Variants in CD3D observed in about 807,000 individuals in gnomAD.
CD3D encodes CD3 delta subunit of T-cell receptor complex.
A neutral mutation model predicts 22.0 loss-of-function variants in CD3D; 22 were observed. The ratio of observed to expected loss-of-function variants is 1.00; its 90% CI spans 0.71 to 1.43. The LOEUF is 1.43. CD3D is among the 40% of genes most tolerant of loss of function. The probability of loss-of-function intolerance (pLI) is 0.00; values close to 1 mark genes in which losing one functional copy is unlikely to be tolerated. For synonymous variants in CD3D, 74 were observed against 81.2 expected (o/e 0.91, Z 0.48); for missense variants, 205 against 211.7 (o/e 0.97, Z 0.20).
chr11:118,342,682 A>C lies in CD3D; in HGVS notation c.-75T>G. On this transcript the variant is annotated 5_prime_UTR_variant, in exon 1 of 5. Transcript: ENST00000300692. ...GCCTGGGTGAGAGCTGCCCTCCCCT[A>C]GCTGACTCACAGGTACCGGAAAGAG... 1 of 1,263,038 alleles carries C rather than the reference A, an allele frequency of 7.9e-7. No individual in the cohort carries two copies. The highest frequency in any genetic ancestry group is 1.2e-6 in the Non-Finnish European group (1 of 862,350). The allele number at this position is 1,263,038 out of a possible 1,614,324, so 78.2% of individuals were successfully genotyped here.
chr11:118,339,749 C>A (rs1296215048), intron 3 of CD3D, 26 bp downstream of exon 3: 1 of 1,609,522 alleles, frequency 6.2e-7, no homozygotes, highest in Non-Finnish European at 8.5e-7. Flanking sequence ...CACAAACACA[C>A]TCTCATGCTC....
At position 118,340,789 on chromosome 11, in the gene CD3D, G is replaced by A. The variant is rs868441464; in HGVS notation, c.56-196C>T. ...CAACTGCAGGGGTCAAGGGGGACATGAGGATGCCATTCAAGCAGAGGACAG... is the reference window on the plus strand; with the variant it reads ...CAACTGCAGGGGTCAAGGGGGACATAAGGATGCCATTCAAGCAGAGGACAG... On this transcript the variant is annotated intron_variant, in intron 1 of 4. Transcript: ENST00000300692. 8 of 685,502 alleles carry A rather than the reference G, an allele frequency of 1.2e-5. No individual in the cohort carries two copies. In the Middle Eastern group the frequency reaches 1.4e-3, roughly 122 times the overall value. The allele number at this position is 685,502 out of a possible 1,614,324, so 42.5% of individuals were successfully genotyped here. A position where few individuals can be genotyped will look rare whatever the true frequency, so the allele number is the denominator to read the frequency against.
At chr11:118,339,602 T>C (rs1948280958) in intron 3 of CD3D, 108 bp from the exon 4 acceptor site, 2 of 1,568,828 alleles carry the variant, frequency 1.3e-6, no homozygotes, top group African/African-American at 2.7e-5. Flanking sequence ...ACAAGTTCTT[T>C]CAACAGTCAA....
intron 1 of CD3D, chr11:118,340,952 G>A: frequency 5.8e-6 from 3 of 513,724 alleles, no homozygotes; most frequent in Non-Finnish European, 1.1e-5. Flanking sequence ...TGGAAAGACA[G>A]AAGAACATTC....
At position 118,339,513 on chromosome 11, in the gene CD3D, G is replaced by C. The variant is rs1187285817; in HGVS notation, c.407-19C>G. 2 of 1,613,924 alleles carry C rather than the reference G, an allele frequency of 1.2e-6. No homozygotes were observed. The highest frequency in any genetic ancestry group is 1.3e-5 in the African/African-American group (1 of 74,868). ...TCGGCAGCTAGAAGAACCAGAGAGA[G>C]ACATCAATGGCCTAGCAGATGGGAC... On this transcript the variant is annotated intron_variant, in intron 3 of 4. Coordinates refer to ENST00000300692, the MANE Select transcript of CD3D (RefSeq NM_000732.6).
intron 1 of CD3D, among the ~76,000 whole-genome samples, chr11:118,341,312 G>A (rs1948298047): frequency 6.6e-6 from 1 of 152,192 alleles, no homozygotes; most frequent in Non-Finnish European, 1.5e-5. Context: ...AGTCTTGTGG[G>A]AGACTTTTAG....
At chr11:118,342,155 G>A (rs1948304824) in intron 1 of CD3D, among the ~76,000 whole-genome samples, 1 of 151,276 alleles carries the variant, frequency 6.6e-6, no homozygotes, top group Admixed American at 6.6e-5. Context: ...CTGGTGAACT[G>A]AAGCTAGCAC....
intron 4 of CD3D, 95 bp downstream of exon 4, chr11:118,339,355 GT>G (rs1372783798): frequency 1.3e-6 from 2 of 1,508,762 alleles, no homozygotes; most frequent in African/African-American, 2.7e-5. Context: ...GAACTCCCCA[GT>G]AGGACCCTTC....
chr11:118,341,369 G>A (rs1428732191), intron 1 of CD3D, among the ~76,000 whole-genome samples: 1 of 152,230 alleles, frequency 6.6e-6, no homozygotes, highest in Admixed American at 6.5e-5. Context: ...GAGTTCCTCT[G>A]ACAGCCTGAG....
Position 118,339,835 on chromosome 11 carries a change from G to C in CD3D, c.346C>G (p.Leu116Val). The C allele has an allele frequency of 1.2e-6, 2 of 1,613,906 alleles. No homozygotes were observed. Among genetic ancestry groups the C allele is most frequent in the Non-Finnish European group, 1.7e-6 (2 of 1,180,000 alleles). ...GIIVTDVIAT[L>V]LLALGVFCFA... ...CAGAAGACTCCCAAAGCAAGGAGCA[G>C]AGTGGCAATGACATCAGTGACAATG... The change falls in exon 3 of 5, where the codon CTG (leucine) becomes GTG (valine). Residue 116 changes from leucine to valine, a missense_variant. By Grantham distance (32) the Leu-to-Val change is conservative. Coordinates refer to ENST00000300692, the MANE Select transcript of CD3D (RefSeq NM_000732.6).
rs2134059400 is a variant in CD3D, at chr11:118,339,865, C to T, written c.316G>A (p.Gly106Ser). The T allele has an allele frequency of 6.2e-7, 1 of 1,613,982 alleles. No homozygotes were observed. The highest frequency in any genetic ancestry group is 8.5e-7 in the Non-Finnish European group (1 of 1,179,994). Residue 106 changes from glycine (G) to serine (S), a missense_variant, in exon 3 of 5, where the codon GGC becomes AGC. Coordinates refer to ENST00000300692, the MANE Select transcript of CD3D (RefSeq NM_000732.6). ...GCAATGACATCAGTGACAATGATGCCAGCCACGGTGGCTGGATCCAGCTCC... is the reference window on the plus strand; with the variant it reads ...GCAATGACATCAGTGACAATGATGCTAGCCACGGTGGCTGGATCCAGCTCC... Reference protein sequence around the residue: ...CVELDPATVAGIIVTDVIATL... With the variant: ...CVELDPATVASIIVTDVIATL...
chr11:118,339,731 C>CACAG (rs1565517598), intron 3 of CD3D, 44 bp downstream of exon 3: 5 of 1,612,364 alleles, frequency 3.1e-6, no homozygotes, highest in Non-Finnish European at 4.2e-6. Context: ...CACACACACA[C>CACAG]ACACACACAC....
rs1555119651 is a variant in CD3D, at chr11:118,339,741, CAA to C, written c.406+32_406+33del. ...ACACACACACACACACACACACACA[CAA>C]ACACACTCTCATGCTCTGCTCTTCC... is the stretch of plus-strand genomic sequence containing the variant. On this transcript the variant is annotated intron_variant, in intron 3 of 4. Coordinates refer to ENST00000300692, the MANE Select transcript of CD3D (RefSeq NM_000732.6). 910 of 1,603,338 alleles carry C rather than the reference CAA, an allele frequency of 5.7e-4. 1 individual carries two copies. The highest frequency in any genetic ancestry group is 1.3e-3 in the Middle Eastern group (8 of 6,032).
In CD3D at chr11:118,339,347, A is replaced by G. The variant is rs1948278060; in HGVS notation, c.450+104T>C. The G allele has an allele frequency of 6.7e-6, 10 of 1,488,588 alleles. No individual in the cohort carries two copies. The Admixed American group carries it at 1.3e-4, about 20-fold the overall frequency. 92.2% of individuals were successfully genotyped at this position (1,488,588 alleles called of 1,614,324 possible). ...CCTCTCCAGTCACACCCAGCAATGA[A>G]CTCCCCAGTAGGACCCTTCCCACGT... is the stretch of plus-strand genomic sequence containing the variant. On this transcript the variant is annotated intron_variant, in intron 4 of 4. Coordinates refer to ENST00000300692, the MANE Select transcript of CD3D (RefSeq NM_000732.6).
intron 1 of CD3D, among the ~76,000 whole-genome samples, chr11:118,341,926 G>A (rs892990177): frequency 2.6e-5 from 4 of 152,160 alleles, no homozygotes; most frequent in African/African-American, 7.2e-5. Flanking sequence ...GAGGCCATCA[G>A]GCCTAAAAGG....
intron 1 of CD3D, among the ~76,000 whole-genome samples, chr11:118,341,626 A>T (rs1243949775): frequency 2.0e-5 from 3 of 152,162 alleles, no homozygotes; most frequent in Non-Finnish European, 4.4e-5. Context: ...CTCTTCAGGG[A>T]TCTGTCTCCA....
In CD3D at chr11:118,340,482, G is replaced by A. The variant is rs201422803; in HGVS notation, c.167C>T (p.Thr56Ile). ...GTVGTLLSDI[T>I]RLDLGKRILD... is the part of the protein sequence containing the mutation. The stretch of plus-strand genomic sequence containing the variant: ...GATGCGTTTTCCCAGGTCCAGTCTT[G>A]TAATGTCTGAGAGCAGTGTTCCCAC... Residue 56 changes from threonine (T) to isoleucine (I), a missense_variant, in exon 2 of 5, where the codon ACA becomes ATA. Coordinates refer to ENST00000300692, the MANE Select transcript of CD3D (RefSeq NM_000732.6). The A allele has an allele frequency of 1.2e-5, 19 of 1,613,918 alleles. No individual in the cohort carries two copies. The highest frequency in any genetic ancestry group is 1.6e-5 in the Non-Finnish European group (19 of 1,179,852).
Position 118,339,774 on chromosome 11 carries a change from C to T in CD3D, c.406+1G>A. 1 of 1,613,780 alleles carries T rather than the reference C, an allele frequency of 6.2e-7. No individual in the cohort carries two copies. Among genetic ancestry groups the T allele is most frequent in the Non-Finnish European group, 8.5e-7 (1 of 1,179,954 alleles). On this transcript the variant is annotated splice_donor_variant, in intron 3 of 4. Transcript: ENST00000300692. LOFTEE classifies it high-confidence loss of function. ...CTCTCATGCTCTGCTCTTCCACTAA[C>T]CCCCAGACAGCCTTCCAGTCTCATG... is the stretch of plus-strand genomic sequence containing the variant.
At chr11:118,340,951 A>G (rs974612456) in intron 1 of CD3D, 1 of 515,326 alleles carries the variant, frequency 1.9e-6, no homozygotes, top group African/African-American at 2.0e-5. Context: ...GTGGAAAGAC[A>G]GAAGAACATT....
Sources: allele counts gnomAD v4.1 joint callset (sites outside exome capture counted in the v4.1 genomes callset), GRCh38; gene constraint gnomAD v4.1.1; transcripts MANE v1.5; gene names NCBI Gene and HGNC (gene_info 2026-07-23, HGNC 2026-07-21).